Variants in ADAP2 observed in about 807,000 individuals in gnomAD.
The protein encoded by ADAP2 is ArfGAP with dual PH domains 2.
ADAP2 carries 42 observed loss-of-function variants against 54.9 expected under a neutral mutation model. The ratio of observed to expected loss-of-function variants is 0.77; its 90% CI spans 0.60 to 0.99. The LOEUF is 0.99. Ranked by LOEUF, ADAP2 falls within the 50% of genes least tolerant of loss-of-function variation. ADAP2 has a pLI of 0.00. For missense variants in ADAP2, 429 were observed against 480.4 expected (o/e 0.89, Z 1.00); for synonymous variants, 177 against 180.1 (o/e 0.98, Z 0.14).
intron 2 of ADAP2, among the ~76,000 whole-genome samples, chr17:30,925,685 T>C (rs111527438): frequency 0.24 from 36,487 of 151,072 alleles, 5,618 homozygotes; most frequent in Non-Finnish European, 0.35. Flanking sequence ...AACCTCCTCC[T>C]CCTGGGTTCA....
At position 30,925,562 on chromosome 17, in the gene ADAP2, T is replaced by TTC. The variant is rs1377406214; in HGVS notation, c.226-1263_226-1262dup. 2.7e-3 allele frequency among the ~76,000 whole-genome samples: 401 copies of TTC among 150,906 alleles called. 1 individual carries two copies. The highest frequency in any genetic ancestry group is 8.8e-3 in the African/African-American group (358 of 40,838). ...TCTTCCTTCTTCCTTCTTCTTCTTC[T>TTC]TCTTCTCTTTTCTTTTCTTTTCTTT... On this transcript the variant is annotated intron_variant, in intron 2 of 10. Transcript: ENST00000330889.
intron 5 of ADAP2, among the ~76,000 whole-genome samples, chr17:30,941,801 C>T (rs1010107931): frequency 1.3e-5 from 2 of 151,910 alleles, no homozygotes; most frequent in Non-Finnish European, 2.9e-5. Flanking sequence ...AGAGATTCTG[C>T]GAAGGGGGAT....
At chr17:30,953,446 G>C in intron 8 of ADAP2, 96 bp downstream of exon 8, 3 of 1,350,648 alleles carry the variant, frequency 2.2e-6, no homozygotes, top group Non-Finnish European at 2.1e-6. Context: ...ACAGTGAAAG[G>C]TGTTAGGCCA....
intron 5 of ADAP2, among the ~76,000 whole-genome samples, chr17:30,941,121 C>A (rs9907098): frequency 0.17 from 25,688 of 152,222 alleles, 6,749 homozygotes; most frequent in African/African-American, 0.56. Flanking sequence ...TTGTCTGCAA[C>A]TGATCTGGGT....
At chr17:30,951,916 A>C (rs1452067272) in intron 7 of ADAP2, among the ~76,000 whole-genome samples, 1 of 152,104 alleles carries the variant, frequency 6.6e-6, no homozygotes, top group Non-Finnish European at 1.5e-5. Flanking sequence ...CGGCCTCCCA[A>C]AGTGCTGGGA....
intron 5 of ADAP2, among the ~76,000 whole-genome samples, chr17:30,938,662 G>A (rs1161618413): frequency 7.2e-5 from 11 of 152,172 alleles, no homozygotes; most frequent in Admixed American, 7.2e-4. Flanking sequence ...TAAGCTCTGA[G>A]CACTTTAGCC....
At chr17:30,945,448 T>C (rs953128029) in intron 6 of ADAP2, among the ~76,000 whole-genome samples, 31 of 152,064 alleles carry the variant, frequency 2.0e-4, no homozygotes, top group Middle Eastern at 3.2e-3. Flanking sequence ...CCCAACAGCA[T>C]TGGCATCACC....
intron 5 of ADAP2, among the ~76,000 whole-genome samples, chr17:30,943,645 A>C (rs1598044954): frequency 6.7e-6 from 1 of 150,254 alleles, no homozygotes; most frequent in South Asian, 2.1e-4. Context: ...TCAGGAGTTC[A>C]AGAACAGCCT....
At chr17:30,922,602 C>T (rs2142496591) in intron 1 of ADAP2, among the ~76,000 whole-genome samples, 1 of 152,188 alleles carries the variant, frequency 6.6e-6, no homozygotes, top group Non-Finnish European at 1.5e-5. Context: ...CGCCCCACCT[C>T]GGGGACGCCG....
intron 6 of ADAP2, among the ~76,000 whole-genome samples, chr17:30,947,779 C>T (rs1912784155): frequency 6.6e-6 from 1 of 152,224 alleles, no homozygotes; most frequent in Non-Finnish European, 1.5e-5. Context: ...AGATGACTTT[C>T]TCAATCACCA....
intron 3 of ADAP2, among the ~76,000 whole-genome samples, chr17:30,930,213 AG>A (rs1911372634): frequency 6.6e-6 from 1 of 151,970 alleles, no homozygotes; most frequent in Admixed American, 6.6e-5. Context: ...CTGGGATTAC[AG>A]GCACGTGCCA....
chr17:30,947,262 A>G (rs1912745270), intron 6 of ADAP2, among the ~76,000 whole-genome samples: 1 of 152,200 alleles, frequency 6.6e-6, no homozygotes, highest in Non-Finnish European at 1.5e-5. Context: ...TGGATTTGGC[A>G]CCAGGATCAC....
At chr17:30,951,103 C>T (rs1305153748) in intron 7 of ADAP2, among the ~76,000 whole-genome samples, 1 of 152,210 alleles carries the variant, frequency 6.6e-6, no homozygotes, top group East Asian at 1.9e-4. Flanking sequence ...AAACCCAGGG[C>T]ATCCCAGTGG....
intron 9 of ADAP2, 35 bp from the exon 10 acceptor site, chr17:30,956,206 G>A: frequency 3.1e-6 from 5 of 1,598,816 alleles, no homozygotes; most frequent in Non-Finnish European, 4.3e-6. Context: ...TGCCCTGGGG[G>A]CACCCTCTGA....
chr17:30,929,948 C>T (rs974917659), intron 3 of ADAP2, among the ~76,000 whole-genome samples: 3 of 152,014 alleles, frequency 2.0e-5, no homozygotes, highest in African/African-American at 7.2e-5. Flanking sequence ...CTGAGCTGAG[C>T]TCAAGCCATC....
chr17:30,942,893 A>G (rs1912376250), intron 5 of ADAP2, among the ~76,000 whole-genome samples: 1 of 152,230 alleles, frequency 6.6e-6, no homozygotes, highest in Admixed American at 6.5e-5. Context: ...AAAAGTAAAA[A>G]AGTAACAGAT....
intron 3 of ADAP2, 136 bp downstream of exon 3, chr17:30,927,054 T>C (rs1449095903): frequency 1.2e-5 from 8 of 666,598 alleles, no homozygotes; most frequent in African/African-American, 7.2e-5. Context: ...AGGAAAGCAC[T>C]GGATACCATC....
rs1264015334 is a variant in ADAP2, at chr17:30,922,107, A to G, written c.93A>G (p.Ala31=). The change falls in exon 1 of 11, where the codon GCA becomes GCG. Residue 31 remains alanine, a splice_region_variant and synonymous_variant. Coordinates refer to ENST00000330889, the MANE Select transcript of ADAP2 (RefSeq NM_018404.3). ...GNAHCADCGA[A]DPDWASYKLG... ...CGCACTGCGCCGACTGCGGGGCGGC[A>G]GGTAAGGGCGCGGCGGCGCGGGCAG... 2 of 1,246,008 alleles carry G rather than the reference A, an allele frequency of 1.6e-6. No homozygotes were observed. The highest frequency in any genetic ancestry group is 2.0e-6 in the Non-Finnish European group (2 of 995,990). The allele number at this position is 1,246,008 out of a possible 1,614,324, so 77.2% of individuals were successfully genotyped here.
intron 1 of ADAP2, 97 bp downstream of exon 1, chr17:30,922,205 C>G (rs1174085536): frequency 3.2e-5 from 30 of 926,220 alleles, no homozygotes; most frequent in Non-Finnish European, 3.9e-5. Flanking sequence ...GCCCTCGGCC[C>G]CCTGGACCCA....
Sources: gnomAD v4.1 joint callset for allele counts (sites outside exome capture counted in the v4.1 genomes callset) on GRCh38, gnomAD v4.1.1 for gene constraint, MANE v1.5 for transcripts, NCBI Gene and HGNC (gene_info 2026-07-23, HGNC 2026-07-21) for gene names.